Variants in KCNK2 observed in about 807,000 individuals in gnomAD.
The protein encoded by KCNK2 is potassium two pore domain channel subfamily K member 2.
Under a neutral mutation model 40.5 loss-of-function variants are expected in KCNK2, and 21 were observed. The ratio of observed to expected loss-of-function variants is 0.52; its 90% CI spans 0.37 to 0.75. The LOEUF is 0.75. Among genes scored for constraint, KCNK2 ranks in the 30% least tolerant of loss-of-function variants. The pLI is 0.00. For missense variants in KCNK2, 399 were observed against 531.6 expected (o/e 0.75, Z 2.45); for synonymous variants, 191 against 202.2 (o/e 0.94, Z 0.47).
intron 3 of KCNK2, among the ~76,000 whole-genome samples, chr1:215,146,769 T>C (rs1303715712): frequency 2.0e-5 from 3 of 152,206 alleles, no homozygotes; most frequent in African/African-American, 7.2e-5. Context: ...AATCTCAGCT[T>C]TAACATTTAA....
intron 6 of KCNK2, among the ~76,000 whole-genome samples, chr1:215,219,319 T>C (rs139428105): frequency 1.9e-3 from 291 of 152,362 alleles, no homozygotes; most frequent in Middle Eastern, 3.4e-3. Context: ...GAGGATATTT[T>C]GAAGATCCAA....
At chr1:215,232,019 T>A (rs959227458) in intron 6 of KCNK2, among the ~76,000 whole-genome samples, 2 of 152,166 alleles carry the variant, frequency 1.3e-5, no homozygotes, top group African/African-American at 4.8e-5. Flanking sequence ...TTATAGGAAC[T>A]ACAATTCAAG....
At chr1:215,022,372 C>T (rs1227694586) in intron 1 of KCNK2, among the ~76,000 whole-genome samples, 2 of 152,104 alleles carry the variant, frequency 1.3e-5, no homozygotes, top group African/African-American at 4.8e-5. Flanking sequence ...GAGTCCTCCA[C>T]AGGTTGTAAC....
chr1:215,182,514 C>T (rs889071193), intron 5 of KCNK2, among the ~76,000 whole-genome samples: 18 of 152,096 alleles, frequency 1.2e-4, no homozygotes, highest in African/African-American at 4.3e-4. Flanking sequence ...CAGATTGGTA[C>T]CAGGTCACCA....
chr1:215,122,425 T>C (rs1661228413), intron 2 of KCNK2, among the ~76,000 whole-genome samples: 1 of 152,164 alleles, frequency 6.6e-6, no homozygotes, highest in Non-Finnish European at 1.5e-5. Flanking sequence ...CCTTATCTGA[T>C]ACTATAGTTA....
Position 215,062,395 on chromosome 1 carries a change from C to T in KCNK2, c.35-23973C>T, listed in dbSNP as rs554101581. Among the ~76,000 whole-genome samples the T allele has an allele frequency of 3.3e-5, 5 of 152,088 alleles. No individual in the cohort carries two copies. The South Asian group carries it at 1.0e-3, about 32-fold the overall frequency. The stretch of plus-strand genomic sequence containing the variant: ...GCATGTGCTCAGCTCATGAGCTAAA[C>T]TTGTTGAATCCTATGGCTAGTACCA... On this transcript the variant is annotated intron_variant, in intron 1 of 6. Coordinates refer to the KCNK2 transcript ENST00000391895.
intron 6 of KCNK2, among the ~76,000 whole-genome samples, chr1:215,225,280 A>G (rs1666342122): frequency 1.3e-5 from 2 of 152,222 alleles, no homozygotes; most frequent in African/African-American, 2.4e-5. Context: ...TAGTAGTAAG[A>G]AAAATGGTTT....
chr1:215,077,497 A>G (rs1324385997), intron 1 of KCNK2, among the ~76,000 whole-genome samples: 2 of 152,198 alleles, frequency 1.3e-5, no homozygotes, highest in African/African-American at 4.8e-5. Context: ...ACATGCTTAC[A>G]TTCTTTGTTC....
chr1:215,123,157 A>T (rs1434297784), intron 2 of KCNK2, among the ~76,000 whole-genome samples: 2 of 152,178 alleles, frequency 1.3e-5, no homozygotes, highest in African/African-American at 2.4e-5. Context: ...AGCACATTTT[A>T]TATTAATTCA....
chr1:215,174,061 A>C (rs572744853), intron 5 of KCNK2, among the ~76,000 whole-genome samples: 21 of 152,298 alleles, frequency 1.4e-4, no homozygotes, highest in African/African-American at 5.1e-4. Flanking sequence ...TATGTCCTGA[A>C]CGGTATTGCC....
intron 2 of KCNK2, among the ~76,000 whole-genome samples, chr1:215,108,395 C>G (rs1267715034): frequency 2.0e-5 from 3 of 152,244 alleles, no homozygotes; most frequent in Non-Finnish European, 4.4e-5. Context: ...GATCCTGAAA[C>G]CAATCCCTCA....
intron 6 of KCNK2, among the ~76,000 whole-genome samples, chr1:215,231,192 G>A (rs1192323571): frequency 7.2e-5 from 11 of 152,142 alleles, no homozygotes; most frequent in Admixed American, 7.2e-4. Flanking sequence ...ATAAAGAGAT[G>A]ATAAAAACAT....
intron 6 of KCNK2, among the ~76,000 whole-genome samples, chr1:215,224,454 T>C (rs1666304190): frequency 6.6e-6 from 1 of 152,126 alleles, no homozygotes; most frequent in Non-Finnish European, 1.5e-5. Context: ...CTTTACTTTC[T>C]TGCAAAAATA....
At chr1:215,174,103 G>A (rs1306843788) in intron 5 of KCNK2, among the ~76,000 whole-genome samples, 1 of 152,048 alleles carries the variant, frequency 6.6e-6, no homozygotes, top group Non-Finnish European at 1.5e-5. Flanking sequence ...TACAGTTTTA[G>A]GTCTAACATT....
At chr1:215,009,495 CTA>C (rs1446092225) in intron 1 of KCNK2, among the ~76,000 whole-genome samples, 1 of 151,864 alleles carries the variant, frequency 6.6e-6, no homozygotes, top group Non-Finnish European at 1.5e-5. Context: ...GAGAGAGAAG[CTA>C]TGTTTACTTC....
chr1:215,177,740 A>ATATATATATAT (rs71167812), intron 5 of KCNK2, among the ~76,000 whole-genome samples: 1,101 of 101,514 alleles, frequency 0.011, 16 homozygotes, highest in Non-Finnish European at 0.018. Flanking sequence ...ATATATATAT[A>ATATATATATAT]TTTTTTTTTT....
At chr1:215,051,761 T>C (rs1405769643) in intron 1 of KCNK2, among the ~76,000 whole-genome samples, 2 of 152,094 alleles carry the variant, frequency 1.3e-5, no homozygotes, top group African/African-American at 4.8e-5. Flanking sequence ...GTGTGTGGCA[T>C]GGGAGGGTTA....
chr1:215,233,479 C>CGT, intron 6 of KCNK2, among the ~76,000 whole-genome samples: 1 of 149,948 alleles, frequency 6.7e-6, no homozygotes, highest in South Asian at 2.1e-4. Context: ...CACACACGTA[C>CGT]ACACACACAC....
intron 1 of KCNK2, among the ~76,000 whole-genome samples, chr1:215,016,214 G>A (rs2102474114): frequency 6.6e-6 from 1 of 152,188 alleles, no homozygotes; most frequent in East Asian, 1.9e-4. Context: ...TGGAAGGTAT[G>A]TCTAAAGAAA....
Sources: gnomAD v4.1 joint callset for allele counts (sites outside exome capture counted in the v4.1 genomes callset) on GRCh38, gnomAD v4.1.1 for gene constraint, MANE v1.5 for transcripts, NCBI Gene and HGNC (gene_info 2026-07-23, HGNC 2026-07-21) for gene names.